The following COL12A1 variants were observed in gnomAD, a reference collection of about 807,000 sequenced individuals.
COL12A1 encodes collagen alpha-1(XII) chain.
COL12A1 carries 114 observed loss-of-function variants against 349.7 expected under a neutral mutation model. The ratio of observed to expected loss-of-function variants is 0.33; its 90% CI spans 0.28 to 0.38. COL12A1 has a LOEUF of 0.38. Ranked by LOEUF, COL12A1 falls within the 10% of genes least tolerant of loss-of-function variation. The pLI is 1.00. For synonymous variants in COL12A1, 1,369 were observed against 1,329.0 expected (o/e 1.03, Z -0.66); for missense variants, 3,284 against 3,756.9 (o/e 0.87, Z 3.29).
chr6:75,180,717 C>T (rs968841032), intron 11 of COL12A1, among the ~76,000 whole-genome samples: 2 of 152,034 alleles, frequency 1.3e-5, no homozygotes, highest in African/African-American at 4.8e-5. Flanking sequence ...TTCTCTAGGT[C>T]TCCTAACTTC....
intron 31 of COL12A1, among the ~76,000 whole-genome samples, chr6:75,136,702 C>T (rs1766623899): frequency 6.6e-6 from 1 of 152,092 alleles, no homozygotes; most frequent in Admixed American, 6.5e-5. Flanking sequence ...CATAATCATA[C>T]CTATGTAAAA....
rs199641311 is a variant in COL12A1 at position 75,194,958 on chromosome 6, G to T, written c.74-11C>A. The T allele has an allele frequency of 2.0e-6, 3 of 1,482,974 alleles. No homozygotes were observed. In the African/African-American group the frequency reaches 4.2e-5, roughly 21 times the overall value. 91.9% of individuals were successfully genotyped at this position (1,482,974 alleles called of 1,614,324 possible). A position where few individuals can be genotyped will look rare whatever the true frequency, so the allele number is the denominator to read the frequency against. On this transcript the variant is annotated splice_polypyrimidine_tract_variant and intron_variant, in intron 2 of 65. Coordinates refer to ENST00000322507, the MANE Select transcript of COL12A1 (RefSeq NM_004370.6). ...CTGAAGGTGGGTCAACTGCAAAAGA[G>T]AGAGTTTATATTATTAAACTTTTCA...
intron 26 of COL12A1, 94 bp from the exon 27 acceptor site, chr6:75,142,255 A>G (rs1376985744): frequency 7.0e-7 from 1 of 1,438,472 alleles, no homozygotes; most frequent in Non-Finnish European, 9.6e-7. Flanking sequence ...GTAAGAATAT[A>G]AAATTGTGAT....
In COL12A1 at chr6:75,138,504, G is replaced by A. The variant is rs370108747; in HGVS notation, c.5174C>T (p.Thr1725Ile). Residue 1725 changes from threonine (T) to isoleucine (I), a missense_variant, in exon 29 of 66, where the codon ACT becomes ATT. Thr to Ile is a moderately conservative substitution (Grantham distance 89, BLOSUM62 -1). This residue lies in a region of COL12A1 where 2,601 missense variants were observed against 2,824.8 expected (regional missense o/e 0.92). Transcript: ENST00000322507. Reference protein sequence around the residue: ...NPNTIYEVSITAIYPDESESD... With the variant: ...NPNTIYEVSIIAIYPDESESD... ...TTCTGACTCATCAGGATAGATGGCA[G>A]TAATGGAAACTTCATAGATGGTGTT... 6 of 1,613,950 alleles carry A rather than the reference G, an allele frequency of 3.7e-6. No individual in the cohort carries two copies. The highest frequency in any genetic ancestry group is 5.1e-6 in the Non-Finnish European group (6 of 1,179,972).
intron 42 of COL12A1, 79 bp downstream of exon 42, chr6:75,123,869 G>T: frequency 2.1e-6 from 3 of 1,432,680 alleles, no homozygotes; most frequent in East Asian, 4.6e-5. Flanking sequence ...ACCTGCACAG[G>T]ATTCACTTAA....
intron 24 of COL12A1, 42 bp downstream of exon 24, chr6:75,146,060 G>C: frequency 6.5e-7 from 1 of 1,547,288 alleles, no homozygotes; most frequent in Non-Finnish European, 8.7e-7. Flanking sequence ...AAGCTATAAA[G>C]TCTTGGGAAG....
intron 8 of COL12A1, among the ~76,000 whole-genome samples, chr6:75,186,590 C>T (rs1044420702): frequency 2.6e-5 from 4 of 152,126 alleles, no homozygotes; most frequent in Non-Finnish European, 5.9e-5. Flanking sequence ...AACAGAAACA[C>T]CATTTAACCC....
At chr6:75,158,276 G>T (rs1022735254) in intron 14 of COL12A1, among the ~76,000 whole-genome samples, 27 of 151,978 alleles carry the variant, frequency 1.8e-4, no homozygotes, top group African/African-American at 6.0e-4. Context: ...TGATAGGCTT[G>T]GTGACTTTAT....
chr6:75,162,659 A>G (rs1768085576), intron 14 of COL12A1, among the ~76,000 whole-genome samples: 1 of 152,212 alleles, frequency 6.6e-6, no homozygotes, highest in East Asian at 1.9e-4. Flanking sequence ...AAATAGACAA[A>G]TGGAATCTGA....
chr6:75,090,446 AT>A lies in COL12A1; in HGVS notation c.8753-149del. The A allele has an allele frequency of 1.3e-6, 1 of 781,282 alleles. No homozygotes were observed. The allele number at this position is 781,282 out of a possible 1,614,324, so 48.4% of individuals were successfully genotyped here. On this transcript the variant is annotated intron_variant, in intron 62 of 65. Coordinates refer to ENST00000322507, the MANE Select transcript of COL12A1 (RefSeq NM_004370.6). This position sits in a 1 kb window ranked among gnomAD's most constrained non-coding sequence, Gnocchi z 4.1. ...ATCTAATTAGAATCCTAAAAATAAA[AT>A]TAAGACAGTCTAATCATCGAGGACA...
intron 32 of COL12A1, among the ~76,000 whole-genome samples, chr6:75,134,407 C>CA (rs1189108817): frequency 6.6e-6 from 1 of 151,528 alleles, no homozygotes; most frequent in African/African-American, 2.4e-5. Flanking sequence ...CCATCTGTAC[C>CA]AAAAATATAA....
Position 75,142,089 on chromosome 6 carries a change from C to T in COL12A1, c.4900G>A (p.Val1634Ile), listed in dbSNP as rs772992461. 2.1e-5 allele frequency: 34 copies of T among 1,614,038 alleles called. No individual in the cohort carries two copies. The highest frequency in any genetic ancestry group is 2.5e-5 in the Non-Finnish European group (30 of 1,180,010). The part of the protein sequence containing the change: ...LFSQTLYTVS[V>I]SAVHDEGESP... ...TCCCCCTCGTCATGTACTGCAGAAA[C>T]GCTGACTGTGTACAAGGTCTGTGAG... The change falls in exon 27 of 66, where the codon GTT becomes ATT. Residue 1634 changes from valine to isoleucine, a missense_variant. Val to Ile is a conservative substitution (Grantham distance 29, BLOSUM62 3). This residue lies in a region of COL12A1 where 2,601 missense variants were observed against 2,824.8 expected (regional missense o/e 0.92). Transcript: ENST00000322507.
intron 3 of COL12A1, among the ~76,000 whole-genome samples, chr6:75,193,057 T>C (rs895725787): frequency 6.6e-6 from 1 of 152,148 alleles, no homozygotes; most frequent in African/African-American, 2.4e-5. Context: ...AATTATATTG[T>C]TTTCATCAAA....
intron 51 of COL12A1, among the ~76,000 whole-genome samples, chr6:75,112,326 A>G (rs1170523525): frequency 4.6e-5 from 7 of 151,876 alleles, no homozygotes; most frequent in Admixed American, 4.6e-4. Flanking sequence ...ACGTTTACCC[A>G]TGTAACAAAC....
rs1278985861 is a variant in COL12A1 at position 75,165,622 on chromosome 6, A to T, written c.2868T>A (p.Asp956Glu). Residue 956 changes from aspartate to glutamate, a missense_variant, in exon 14 of 66, where the codon GAT (aspartate) becomes GAA (glutamate). Physicochemically the swap from Asp to Glu is conservative, Grantham distance 45 (BLOSUM62 2). Coordinates refer to ENST00000322507, the MANE Select transcript of COL12A1 (RefSeq NM_004370.6). ...VDTGEKNLPE[D>E]AIHTMIENLQ... is the part of the protein sequence containing the mutation. ...GATTTTCTATCATCGTATGAATTGC[A>T]TCTTCAGGCAGATTTTTCTCTCCAG... 6.2e-7 allele frequency: 1 copy of T among 1,613,860 alleles called. No homozygotes were observed. Among genetic ancestry groups the T allele is most frequent in the African/African-American group, 1.3e-5 (1 of 74,898 alleles).
intron 36 of COL12A1, 41 bp downstream of exon 36, chr6:75,130,811 A>G (rs1198333440): frequency 6.2e-7 from 1 of 1,612,140 alleles, no homozygotes; most frequent in Non-Finnish European, 8.5e-7. Context: ...CTGCCAATCT[A>G]GCTACAAGGG....
chr6:75,097,758 G>A (rs1360400982), intron 58 of COL12A1, among the ~76,000 whole-genome samples: 1 of 152,208 alleles, frequency 6.6e-6, no homozygotes, highest in Non-Finnish European at 1.5e-5. Flanking sequence ...AAAGCAAGCG[G>A]TATCATAAAA....
chr6:75,156,780 C>T (rs1175425739), intron 14 of COL12A1, among the ~76,000 whole-genome samples: 1 of 152,148 alleles, frequency 6.6e-6, no homozygotes, highest in Non-Finnish European at 1.5e-5. Flanking sequence ...TATTTGCCTT[C>T]TAGAGACTTT....
intron 47 of COL12A1, 34 bp downstream of exon 47, chr6:75,117,347 AG>A (rs1329836667): frequency 6.2e-7 from 1 of 1,602,350 alleles, no homozygotes; most frequent in Admixed American, 1.7e-5. Context: ...TTTCAGAATA[AG>A]TGAGGTTATA....
Sources: allele counts gnomAD v4.1 joint callset (sites outside exome capture counted in the v4.1 genomes callset), GRCh38; gene constraint gnomAD v4.1.1; regional missense constraint gnomAD v4.1.1; non-coding constraint Gnocchi (gnomAD v3.1); transcripts MANE v1.5; gene names NCBI Gene and HGNC (gene_info 2026-07-23, HGNC 2026-07-21).